SP140: variants seen among roughly 807,000 people sequenced by gnomAD.
SP140 encodes the protein SP140 nuclear body protein, also known as nuclear body protein SP140.
Under a neutral mutation model 125.0 loss-of-function variants are expected in SP140, and 81 were observed. That is an observed-to-expected ratio of 0.65 (90% CI 0.54 to 0.78). The LOEUF (loss-of-function observed/expected upper bound fraction) is 0.78, where lower values mean the gene tolerates loss of function less well. Ranked by LOEUF, SP140 falls within the 30% of genes least tolerant of loss-of-function variation. The pLI is 0.00. For synonymous variants in SP140, 312 were observed against 354.0 expected (o/e 0.88, Z 1.33); for missense variants, 858 against 1,037.0 (o/e 0.83, Z 2.37).
chr2:230,277,300 T>C lies in SP140; in HGVS notation c.1498+6661T>C, dbSNP rs540430882. The stretch of plus-strand genomic sequence containing the variant: ...AGCCACCAACATCCAGGCAGGACTT[T>C]CCACCAGCAAAGAGATTATGACTTA... On this transcript the variant is annotated intron_variant, in intron 15 of 26. Transcript: ENST00000392045. Among the ~76,000 whole-genome samples the C allele has an allele frequency of 3.3e-5, 5 of 152,242 alleles. No homozygotes were observed. The East Asian group carries it at 9.7e-4, about 29-fold the overall frequency.
chr2:230,190,167 C>T, the SP140 span, among the ~76,000 whole-genome samples: 1 of 152,206 alleles, frequency 6.6e-6, no homozygotes, highest in African/African-American at 2.4e-5. Context: ...TACACTCCCA[C>T]CAACAGTGTA....
intron 10 of SP140, among the ~76,000 whole-genome samples, chr2:230,252,446 C>T (rs747930671): frequency 1.3e-5 from 2 of 152,020 alleles, no homozygotes; most frequent in Non-Finnish European, 1.5e-5. Flanking sequence ...ATGAGGGAGG[C>T]AGGAGCAGTC....
downstream of SP140, among the ~76,000 whole-genome samples, chr2:230,314,809 A>T (rs2059472701): frequency 6.6e-6 from 1 of 152,252 alleles, no homozygotes; most frequent in Admixed American, 6.5e-5. Context: ...AGGGGGCAGC[A>T]CATCCTTGAG....
At chr2:230,270,180 C>T (rs1559301126) in intron 14 of SP140, among the ~76,000 whole-genome samples, 1 of 152,292 alleles carries the variant, frequency 6.6e-6, no homozygotes, top group East Asian at 1.9e-4. Context: ...ATACTCTTTG[C>T]AATGGCACTT....
chr2:230,195,933 A>G, the SP140 span, among the ~76,000 whole-genome samples: 4 of 152,198 alleles, frequency 2.6e-5, no homozygotes, highest in African/African-American at 4.8e-5. Flanking sequence ...AAAATAAGCA[A>G]AAAATATAAG....
rs2057279287 is a variant in SP140 at position 230,292,795 on chromosome 2, C to G, written c.1968+7C>G. 6.2e-7 allele frequency: 1 copy of G among 1,613,780 alleles called. No homozygotes were observed. Among genetic ancestry groups the G allele is most frequent in the Non-Finnish European group, 8.5e-7 (1 of 1,179,994 alleles). On this transcript the variant is annotated splice_region_variant and intron_variant, in intron 20 of 26. Coordinates refer to ENST00000392045, the MANE Select transcript of SP140 (RefSeq NM_007237.5). The stretch of plus-strand genomic sequence containing the variant: ...CCTACGATGGCTGATGGAGGTATTC[C>G]AATGACAAGGGGCCAGGCCTGTGTT...
At position 230,276,773 on chromosome 2, in the gene SP140, A is replaced by T. The variant is rs140824866; in HGVS notation, c.1498+6134A>T. 9.0e-4 allele frequency among the ~76,000 whole-genome samples: 137 copies of T among 152,336 alleles called. No homozygotes were observed. In the Middle Eastern group the frequency reaches 0.01, roughly 11 times the overall value. On this transcript the variant is annotated intron_variant, in intron 15 of 26. Transcript: ENST00000392045. ...CATGCCATAATAACATTCATGATATATGAGAGGAGGTCAAAATATCAACAT... is the reference window on the plus strand; with the variant it reads ...CATGCCATAATAACATTCATGATATTTGAGAGGAGGTCAAAATATCAACAT...
rs2045093976 is a variant in SP140, at chr2:230,215,800, T to C, written c.-91+1726T>C. Among the ~76,000 whole-genome samples the C allele has an allele frequency of 2.0e-5, 3 of 152,308 alleles. No homozygotes were observed. In the South Asian group the frequency reaches 6.2e-4, roughly 32 times the overall value. Reference sequence around the variant, plus strand: ...ACTGTCAAGTGGAGAAGATGAGCATTAATAAACACAAATAAATACCCATTT... The same window carrying C: ...ACTGTCAAGTGGAGAAGATGAGCATCAATAAACACAAATAAATACCCATTT... On this transcript the variant is annotated intron_variant, in intron 3 of 4. Transcript: ENST00000456542.
At chr2:230,264,593 T>C (rs2052762930) in intron 12 of SP140, among the ~76,000 whole-genome samples, 1 of 152,178 alleles carries the variant, frequency 6.6e-6, no homozygotes, top group Non-Finnish European at 1.5e-5. Flanking sequence ...TCCTTCTCAT[T>C]TGGGTAGGCT....
intron 1 of SP140, among the ~76,000 whole-genome samples, chr2:230,226,692 G>A (rs2046426588): frequency 6.7e-6 from 1 of 150,260 alleles, no homozygotes; most frequent in South Asian, 2.1e-4. Flanking sequence ...AACCAGGGAG[G>A]CAGAGGTTTT....
At chr2:230,208,121 T>C (rs2044080804) in intron 1 of SP140, 2 of 962,174 alleles carry the variant, frequency 2.1e-6, no homozygotes, top group Non-Finnish European at 3.3e-6. Context: ...TGTATGTCAA[T>C]GATATTCAGC....
At chr2:230,222,826 TCG>T (rs1448700756), upstream of SP140, among the ~76,000 whole-genome samples, 3 of 150,766 alleles carry the variant, frequency 2.0e-5, no homozygotes, top group African/African-American at 7.3e-5. Context: ...CAGATTAGTT[TCG>T]TGTGTATTAA....
downstream of SP140, among the ~76,000 whole-genome samples, chr2:230,315,294 A>C (rs370580577): frequency 2.5e-4 from 38 of 152,302 alleles, 1 homozygote; most frequent in Middle Eastern, 0.017. Context: ...GATTCCCTCA[A>C]GTTTTCACGG....
At chr2:230,243,594 C>T (rs1034839113) in intron 4 of SP140, 137 bp from the exon 5 acceptor site, 5 of 647,040 alleles carry the variant, frequency 7.7e-6, no homozygotes, top group Non-Finnish European at 1.4e-5. Flanking sequence ...GGACTGAATC[C>T]TCAGGTCAGG....
rs1421984813 is a variant in SP140 at position 230,292,637 on chromosome 2, G to T, written c.1826-9G>T. ...GAGGGCTCAGGATCAAGTTACCCTGGTCTTACAGGAATCTTGGTGAAGTGT... is the reference window on the plus strand; with the variant it reads ...GAGGGCTCAGGATCAAGTTACCCTGTTCTTACAGGAATCTTGGTGAAGTGT... On this transcript the variant is annotated splice_polypyrimidine_tract_variant and intron_variant, in intron 19 of 26. Coordinates refer to ENST00000392045, the MANE Select transcript of SP140 (RefSeq NM_007237.5). 1 of 1,614,134 alleles carries T rather than the reference G, an allele frequency of 6.2e-7. No individual in the cohort carries two copies. Among genetic ancestry groups the T allele is most frequent in the Non-Finnish European group, 8.5e-7 (1 of 1,180,012 alleles).
chr2:230,296,662 G>A (rs2057763756), intron 21 of SP140, among the ~76,000 whole-genome samples: 1 of 152,136 alleles, frequency 6.6e-6, no homozygotes, highest in Non-Finnish European at 1.5e-5. Context: ...TTCTTGTCTG[G>A]GACACTTGCA....
rs1355271921 is a variant in SP140, at chr2:230,211,752, T to G, written c.-322-1902T>G. On this transcript the variant is annotated intron_variant, in intron 1 of 4. Coordinates refer to the SP140 transcript ENST00000456542. The surrounding 1 kb of genome is among the most constrained non-coding windows in gnomAD (Gnocchi z 4.2). ...CACTTGTTCTTCCATTGCTGTTAGC[T>G]TCCTGATTATGTTAACCTTTTTGGA... is the stretch of plus-strand genomic sequence containing the variant. 6.6e-6 allele frequency among the ~76,000 whole-genome samples: 1 copy of G among 152,220 alleles called. No homozygotes were observed. The highest frequency in any genetic ancestry group is 1.9e-4 in the East Asian group (1 of 5,196).
chr2:230,208,508 A>T (rs2044123458), intron 1 of SP140, among the ~76,000 whole-genome samples: 2 of 152,186 alleles, frequency 1.3e-5, no homozygotes, highest in South Asian at 4.1e-4. Context: ...GAGAGGAGGG[A>T]GACAGATGTA....
intron 4 of SP140, among the ~76,000 whole-genome samples, chr2:230,243,186 C>G (rs1379842227): frequency 6.6e-6 from 1 of 152,186 alleles, no homozygotes; most frequent in Non-Finnish European, 1.5e-5. Context: ...TATGTTTTCT[C>G]TATGCTGCCT....
Sources: gnomAD v4.1 joint callset for allele counts (sites outside exome capture counted in the v4.1 genomes callset) on GRCh38, gnomAD v4.1.1 for gene constraint, Gnocchi (gnomAD v3.1) non-coding constraint, MANE v1.5 for transcripts, NCBI Gene and HGNC (gene_info 2026-07-23, HGNC 2026-07-21) for gene names.